Variants in TUBGCP4 observed in about 807,000 individuals in gnomAD.
TUBGCP4 encodes tubulin gamma complex component 4.
In TUBGCP4, 54 loss-of-function variants were observed where a neutral mutation model predicts 91.6. The ratio of observed to expected loss-of-function variants is 0.59; its 90% confidence interval spans 0.47 to 0.74. TUBGCP4 has a LOEUF of 0.74. Among genes scored for constraint, TUBGCP4 ranks in the 30% least tolerant of loss-of-function variants. The probability of loss-of-function intolerance (pLI) is 0.00; values close to 1 mark genes in which losing one functional copy is unlikely to be tolerated. For synonymous variants in TUBGCP4, 297 were observed against 302.8 expected (o/e 0.98, Z 0.20); for missense variants, 593 against 800.9 (o/e 0.74, Z 3.13).
intron 9 of TUBGCP4, among the ~76,000 whole-genome samples, chr15:43,387,935 G>A (rs565491453): frequency 1.6e-4 from 25 of 152,104 alleles, no homozygotes; most frequent in African/African-American, 5.8e-4. Flanking sequence ...TACAAACTCC[G>A]CCTCCCGGGT....
intron 11 of TUBGCP4, 71 bp from the exon 12 acceptor site, chr15:43,397,143 G>A: frequency 9.4e-7 from 1 of 1,068,282 alleles, no homozygotes; most frequent in South Asian, 1.3e-5. Flanking sequence ...GGGGAGAAGT[G>A]GAAAGCTGGA....
intron 11 of TUBGCP4, among the ~76,000 whole-genome samples, chr15:43,396,833 T>C (rs1326966282): frequency 6.6e-6 from 1 of 152,176 alleles, no homozygotes; most frequent in Non-Finnish European, 1.5e-5. Flanking sequence ...CTGGACTCTT[T>C]TAGAGTCTGA....
At chr15:43,404,310 T>G (rs1245806046) in intron 16 of TUBGCP4, 103 bp from the exon 17 acceptor site, 35 of 1,457,180 alleles carry the variant, frequency 2.4e-5, no homozygotes, top group Middle Eastern at 2.2e-4. Flanking sequence ...TCTGTAGAAT[T>G]TTGAACAAGG....
chr15:43,405,376 C>A lies in TUBGCP4; in HGVS notation c.*162C>A. 1 of 732,634 alleles carries A rather than the reference C, an allele frequency of 1.4e-6. No homozygotes were observed. 45.4% of individuals were successfully genotyped at this position (732,634 alleles called of 1,614,324 possible). A position where few individuals can be genotyped will look rare whatever the true frequency, so the allele number is the denominator to read the frequency against. Reference sequence around the variant, plus strand: ...AGTTACTGAACATCCAGGAGTACAACTCCTTCCCATCATTCCCATGTGGAA... The same window carrying A: ...AGTTACTGAACATCCAGGAGTACAAATCCTTCCCATCATTCCCATGTGGAA... On this transcript the variant is annotated 3_prime_UTR_variant, in exon 18 of 18. Coordinates refer to ENST00000564079, the MANE Select transcript of TUBGCP4 (RefSeq NM_014444.5).
Position 43,385,854 on chromosome 15 carries a change from A to G in TUBGCP4, c.787A>G (p.Ile263Val). 6.2e-7 allele frequency: 1 copy of G among 1,613,998 alleles called. No individual in the cohort carries two copies. The highest frequency in any genetic ancestry group is 8.5e-7 in the Non-Finnish European group (1 of 1,179,998). Residue 263 changes from isoleucine to valine, a missense_variant, in exon 8 of 18, where the codon ATT becomes GTT. Coordinates refer to ENST00000564079, the MANE Select transcript of TUBGCP4 (RefSeq NM_014444.5). The stretch of plus-strand genomic sequence containing the variant: ...GAAGCAGTTTTCCCTACGAGTGGAG[A>G]TTTTGCCATCCTACATTCCAGTGAG... ...SLKQFSLRVE[I>V]LPSYIPVRVA...
intron 1 of TUBGCP4, among the ~76,000 whole-genome samples, chr15:43,375,745 T>A (rs907112509): frequency 2.0e-5 from 3 of 152,174 alleles, no homozygotes; most frequent in African/African-American, 7.2e-5. Flanking sequence ...CTAAAGAGAC[T>A]TTGTTGCAAC....
In TUBGCP4 at chr15:43,385,772, G is replaced by T. The variant is rs771937011; in HGVS notation, c.724-19G>T. On this transcript the variant is annotated intron_variant, in intron 7 of 17. Coordinates refer to ENST00000564079, the MANE Select transcript of TUBGCP4 (RefSeq NM_014444.5). ...CTTGCTTCACACTGCATCTCGATGTGTACTCTTTCCTTGACTAGCGCCTGA... is the reference window on the plus strand; with the variant it reads ...CTTGCTTCACACTGCATCTCGATGTTTACTCTTTCCTTGACTAGCGCCTGA... 49 of 1,613,386 alleles carry T rather than the reference G, an allele frequency of 3.0e-5. No homozygotes were observed. Among genetic ancestry groups the T allele is most frequent in the Non-Finnish European group, 3.6e-5 (43 of 1,179,636 alleles).
intron 9 of TUBGCP4, among the ~76,000 whole-genome samples, chr15:43,388,218 A>G (rs1049284539): frequency 6.6e-6 from 1 of 152,128 alleles, no homozygotes; most frequent in African/African-American, 2.4e-5. Flanking sequence ...TTTGAAACAG[A>G]CAGGACTAAA....
intron 14 of TUBGCP4, among the ~76,000 whole-genome samples, chr15:43,401,398 G>C (rs1176939578): frequency 6.7e-6 from 1 of 149,458 alleles, no homozygotes; most frequent in Non-Finnish European, 1.5e-5. Context: ...GTTGCAGTGA[G>C]CCAGGATCGC....
intron 12 of TUBGCP4, 101 bp downstream of exon 12, chr15:43,397,422 T>C (rs1206533333): frequency 4.4e-6 from 4 of 910,328 alleles, no homozygotes; most frequent in Non-Finnish European, 7.2e-6. Context: ...TGATTTTGGA[T>C]CTTAGAAATC....
At chr15:43,405,150 G>A (rs1485726140) in intron 17 of TUBGCP4, 52 bp from the exon 18 acceptor site, 1 of 1,604,990 alleles carries the variant, frequency 6.2e-7, no homozygotes, top group African/African-American at 1.3e-5. Flanking sequence ...TTTCTTTGAA[G>A]GTAGTCTTGG....
At chr15:43,403,407 G>A (rs1016259139) in intron 15 of TUBGCP4, 61 of 273,926 alleles carry the variant, frequency 2.2e-4, no homozygotes, top group African/African-American at 1.1e-3. Flanking sequence ...GACACTCTGC[G>A]GGTCTAAGAA....
rs918615231 is a variant in TUBGCP4, at chr15:43,407,123, T to C, written c.*1909T>C. Reference sequence around the variant, plus strand: ...TCCTTGGCCAGCTGTCCTCCGTAAGTGAATAAGCCTGTTGAAAGACTCAGA... The same window carrying C: ...TCCTTGGCCAGCTGTCCTCCGTAAGCGAATAAGCCTGTTGAAAGACTCAGA... On this transcript the variant is annotated 3_prime_UTR_variant, in exon 18 of 18. Transcript: ENST00000564079. The C allele has an allele frequency of 1.3e-5, 5 of 391,184 alleles. No individual in the cohort carries two copies. The Admixed American group carries it at 2.0e-4, about 16-fold the overall frequency. 24.2% of individuals were successfully genotyped at this position (391,184 alleles called of 1,614,324 possible). A position where few individuals can be genotyped will look rare whatever the true frequency, so the allele number is the denominator to read the frequency against.
rs1038249122 is a variant in TUBGCP4, at chr15:43,371,233, C to T, written c.-122C>T. 9.6e-7 allele frequency: 1 copy of T among 1,036,334 alleles called. No individual in the cohort carries two copies. Among genetic ancestry groups the T allele is most frequent in the Non-Finnish European group, 1.4e-6 (1 of 695,520 alleles). The allele number at this position is 1,036,334 out of a possible 1,614,324, so 64.2% of individuals were successfully genotyped here. On this transcript the variant is annotated 5_prime_UTR_variant, in exon 1 of 18. Transcript: ENST00000564079. ...CGATTGTCTCGGTGGGTTGATTCGG[C>T]ACAAACCGCCCGACCCAGGGGCCGG...
intron 6 of TUBGCP4, 26 bp downstream of exon 6, chr15:43,380,189 G>A (rs373337719): frequency 2.5e-6 from 4 of 1,580,688 alleles, no homozygotes; most frequent in African/African-American, 2.7e-5. Flanking sequence ...ACTGGGAATT[G>A]GTGGTGGAGG....
chr15:43,377,760 C>T (rs998132504), intron 4 of TUBGCP4, 87 bp from the exon 5 acceptor site: 3 of 1,081,914 alleles, frequency 2.8e-6, no homozygotes, highest in Admixed American at 4.4e-5. Flanking sequence ...TTAAGTTGAA[C>T]TATTTAGAAA....
chr15:43,405,061 C>A, intron 17 of TUBGCP4, 141 bp from the exon 18 acceptor site: 2 of 906,382 alleles, frequency 2.2e-6, no homozygotes, highest in Non-Finnish European at 3.4e-6. Flanking sequence ...TTTTTCTAAG[C>A]TATTGTAGCA....
At chr15:43,371,462 G>T (rs1396400471) in intron 1 of TUBGCP4, 30 bp downstream of exon 1, 2 of 1,612,258 alleles carry the variant, frequency 1.2e-6, no homozygotes, top group Non-Finnish European at 1.7e-6. Flanking sequence ...GCGGGAACCA[G>T]GGAGCGCAGG....
In TUBGCP4 at chr15:43,391,158, G is replaced by T. The variant is rs541901290; in HGVS notation, c.1015-3949G>T. ...TTCCCTTCTGCCTCAGCCTTCCAAA[G>T]TACAGGGATTATAGGCATGAGCCTC... On this transcript the variant is annotated intron_variant, in intron 9 of 17. Coordinates refer to ENST00000564079, the MANE Select transcript of TUBGCP4 (RefSeq NM_014444.5). Among the ~76,000 whole-genome samples, 3 of 151,930 alleles carry T rather than the reference G, an allele frequency of 2.0e-5. No homozygotes were observed. In the South Asian group the frequency reaches 6.2e-4, roughly 32 times the overall value.
Sources: gnomAD v4.1 joint callset for allele counts (sites outside exome capture counted in the v4.1 genomes callset) on GRCh38, gnomAD v4.1.1 for gene constraint, MANE v1.5 for transcripts, NCBI Gene and HGNC (gene_info 2026-07-23, HGNC 2026-07-21) for gene names.